KCNH7: variants seen among roughly 807,000 people sequenced by gnomAD.
KCNH7 encodes voltage-gated inwardly rectifying potassium channel KCNH7.
KCNH7 carries 49 observed loss-of-function variants against 120.8 expected under a neutral mutation model. The ratio of observed to expected loss-of-function variants is 0.41; its 90% CI spans 0.32 to 0.51. KCNH7 has a LOEUF of 0.51. Ranked by LOEUF, KCNH7 falls within the 20% of genes least tolerant of loss-of-function variation. The pLI, the probability that KCNH7 is intolerant of heterozygous loss-of-function variation, is 0.38. For missense variants in KCNH7, 1,097 were observed against 1,446.6 expected (o/e 0.76, Z 3.92); for synonymous variants, 547 against 516.1 (o/e 1.06, Z -0.81).
intron 6 of KCNH7, among the ~76,000 whole-genome samples, chr2:162,486,333 C>G (rs1690093959): frequency 1.3e-5 from 2 of 152,162 alleles, no homozygotes; most frequent in Admixed American, 1.3e-4. Flanking sequence ...ACTACAGTCC[C>G]TCCCAGCAGG....
chr2:162,807,074 C>T (rs752323678), intron 2 of KCNH7, among the ~76,000 whole-genome samples: 69 of 151,102 alleles, frequency 4.6e-4, no homozygotes, highest in Non-Finnish European at 7.1e-4. Flanking sequence ...TATCAAAATG[C>T]AATCGATGAC....
In KCNH7 at chr2:162,454,921, C is replaced by T. The variant is rs148841489; in HGVS notation, c.1129-8478G>A. 1.9e-4 allele frequency among the ~76,000 whole-genome samples: 29 copies of T among 152,138 alleles called. No homozygotes were observed. In the East Asian group the frequency reaches 4.5e-3, roughly 23 times the overall value. ...GACTTCCTCTATTCCTATTTGAATACGCTTTATTTCTTTCTCTTGCCTGAT... is the reference window on the plus strand; with the variant it reads ...GACTTCCTCTATTCCTATTTGAATATGCTTTATTTCTTTCTCTTGCCTGAT... On this transcript the variant is annotated intron_variant, in intron 6 of 15. Transcript: ENST00000332142.
At chr2:162,564,287 T>C (rs534503302) in intron 2 of KCNH7, among the ~76,000 whole-genome samples, 1 of 100,370 alleles carries the variant, frequency 1.0e-5, no homozygotes, top group South Asian at 3.3e-4. Context: ...TTTATAGATA[T>C]GACCCAGAGT....
At chr2:162,410,504 C>T (rs1687358823) in intron 9 of KCNH7, among the ~76,000 whole-genome samples, 1 of 151,304 alleles carries the variant, frequency 6.6e-6, no homozygotes, top group Non-Finnish European at 1.5e-5. Flanking sequence ...AATGACATTC[C>T]AGGCCATATC....
At chr2:162,699,376 G>A (rs1686409024) in intron 2 of KCNH7, among the ~76,000 whole-genome samples, 1 of 152,060 alleles carries the variant, frequency 6.6e-6, no homozygotes, top group Non-Finnish European at 1.5e-5. Flanking sequence ...TGGCTGAATA[G>A]TATTTCATTA....
chr2:162,692,149 T>A (rs1686134627), intron 2 of KCNH7, among the ~76,000 whole-genome samples: 1 of 150,258 alleles, frequency 6.7e-6, no homozygotes, highest in South Asian at 2.1e-4. Flanking sequence ...GGAGCTAGAG[T>A]CTGGCTCTGT....
rs566815745 is a variant in KCNH7, at chr2:162,683,848, T to C, written c.308-146768A>G. ...TTCACAAATTAGAAAAAAAATACTT[T>C]AAATTTCATATGGAACCAAAAAAGA... is the stretch of plus-strand genomic sequence containing the variant. On this transcript the variant is annotated intron_variant, in intron 2 of 15. Coordinates refer to ENST00000332142, the MANE Select transcript of KCNH7 (RefSeq NM_033272.4). 4.6e-5 allele frequency among the ~76,000 whole-genome samples: 7 copies of C among 152,132 alleles called. No homozygotes were observed. The South Asian group carries it at 1.5e-3, about 32-fold the overall frequency.
intron 2 of KCNH7, among the ~76,000 whole-genome samples, chr2:162,832,096 T>A (rs1344879831): frequency 6.6e-6 from 1 of 152,180 alleles, no homozygotes; most frequent in East Asian, 1.9e-4. Context: ...AAATGAATTT[T>A]AGGATTACTG....
At chr2:162,763,643 A>G (rs1689039677) in intron 2 of KCNH7, among the ~76,000 whole-genome samples, 1 of 151,830 alleles carries the variant, frequency 6.6e-6, no homozygotes, top group African/African-American at 2.4e-5. Flanking sequence ...GAAATGAATG[A>G]CCAGGGGAAG....
chr2:162,763,728 AGTGTGT>A (rs72350942), intron 2 of KCNH7, among the ~76,000 whole-genome samples: 85,851 of 139,014 alleles, frequency 0.62, 27,918 homozygotes, highest in Non-Finnish European at 0.74. Flanking sequence ...AGGCATTTGC[AGTGTGT>A]GTGTGTGTGT....
chr2:162,446,913 T>C (rs1688600154), intron 6 of KCNH7, among the ~76,000 whole-genome samples: 1 of 152,114 alleles, frequency 6.6e-6, no homozygotes, highest in Non-Finnish European at 1.5e-5. Flanking sequence ...AATTACACCT[T>C]GATAAATTAA....
intron 2 of KCNH7, among the ~76,000 whole-genome samples, chr2:162,577,358 T>C (rs879528439): frequency 0.13 from 13,954 of 107,340 alleles, 819 homozygotes; most frequent in South Asian, 0.25. Context: ...CCTATCTATC[T>C]ATCTATCTAT....
chr2:162,606,613 C>A (rs1437123283), intron 2 of KCNH7, among the ~76,000 whole-genome samples: 1 of 152,046 alleles, frequency 6.6e-6, no homozygotes, highest in African/African-American at 2.4e-5. Flanking sequence ...ATCCTTCCAC[C>A]TCGCTATGTA....
chr2:162,377,210 A>C (rs1365548897), intron 14 of KCNH7, among the ~76,000 whole-genome samples: 3 of 152,112 alleles, frequency 2.0e-5, no homozygotes, highest in Admixed American at 6.6e-5. Flanking sequence ...AAAGGTTGTT[A>C]AAAACCGCAG....
chr2:162,692,555 C>T (rs1400502523), intron 2 of KCNH7, among the ~76,000 whole-genome samples: 1 of 152,072 alleles, frequency 6.6e-6, no homozygotes, highest in East Asian at 1.9e-4. Flanking sequence ...GAGAAACAGA[C>T]TTTCACTGCC....
chr2:162,396,817 C>A lies in KCNH7; in HGVS notation c.2536G>T (p.Asp846Tyr). The change falls in exon 11 of 16, where the codon GAT becomes TAT. Residue 846 changes from aspartate to tyrosine, a missense_variant. Physicochemically the swap from Asp to Tyr is radical, Grantham distance 160. This residue lies in a region of KCNH7 where 406 missense variants were observed against 410.5 expected (regional missense o/e 0.99). Transcript: ENST00000332142. ...IQREDLLEVL[D>Y]MYPEFSDHFL... ...TGATCAGAAAACTCAGGATACATAT[C>A]CAAAACCTCTAACAAGTCTTCTCGC... 6.2e-7 allele frequency: 1 copy of A among 1,611,886 alleles called. No homozygotes were observed. Among genetic ancestry groups the A allele is most frequent in the Non-Finnish European group, 8.5e-7 (1 of 1,178,770 alleles).
chr2:162,548,866 A>G (rs1262815185), intron 2 of KCNH7, among the ~76,000 whole-genome samples: 2 of 152,206 alleles, frequency 1.3e-5, no homozygotes, highest in Admixed American at 6.5e-5. Flanking sequence ...ATTGCCTTGT[A>G]TACTGAAAAA....
At chr2:162,697,406 G>A (rs1686332492) in intron 2 of KCNH7, among the ~76,000 whole-genome samples, 1 of 152,136 alleles carries the variant, frequency 6.6e-6, no homozygotes, top group Non-Finnish European at 1.5e-5. Context: ...GGGTCAACCT[G>A]TAGATTGAAA....
At chr2:162,404,688 T>G (rs1480039049) in intron 9 of KCNH7, among the ~76,000 whole-genome samples, 1 of 151,992 alleles carries the variant, frequency 6.6e-6, no homozygotes, top group Non-Finnish European at 1.5e-5. Context: ...GCCGAGCAGA[T>G]GCTAGCACCA....
Sources: allele counts gnomAD v4.1 joint callset (sites outside exome capture counted in the v4.1 genomes callset), GRCh38; gene constraint gnomAD v4.1.1; regional missense constraint gnomAD v4.1.1; transcripts MANE v1.5; gene names NCBI Gene and HGNC (gene_info 2026-07-23, HGNC 2026-07-21).